Variants in TUSC3 observed in about 807,000 individuals in gnomAD.
TUSC3 encodes the protein dolichyl-diphosphooligosaccharide--protein glycosyltransferase subunit TUSC3.
Under a neutral mutation model 44.8 loss-of-function variants are expected in TUSC3, and 45 were observed. The observed-to-expected ratio is 1.00, with a 90% CI of 0.79 to 1.29. The LOEUF is 1.29. TUSC3 is among the 50% of genes most tolerant of loss of function. TUSC3 has a pLI of 0.00. For missense variants in TUSC3, 519 were observed against 437.9 expected, an observed-to-expected ratio of 1.19 and a Z score of -1.65; for synonymous variants, 212 against 152.9, an observed-to-expected ratio of 1.39 and a Z score of -2.85.
At chr8:15,519,313 A>G (rs1801263007) in intron 2 of TUSC3, among the ~76,000 whole-genome samples, 1 of 152,210 alleles carries the variant, frequency 6.6e-6, no homozygotes, top group South Asian at 2.1e-4. Flanking sequence ...TAATCCCAGA[A>G]GTATATTTCA....
At chr8:15,444,527 G>A (rs896663258) in intron 1 of TUSC3, among the ~76,000 whole-genome samples, 4 of 152,184 alleles carry the variant, frequency 2.6e-5, no homozygotes, top group Non-Finnish European at 2.9e-5. Context: ...TGGGGATGGT[G>A]GAAGATGACG....
At chr8:15,571,192 G>C (rs891318620) in intron 1 of TUSC3, among the ~76,000 whole-genome samples, 1 of 151,704 alleles carries the variant, frequency 6.6e-6, no homozygotes, top group Non-Finnish European at 1.5e-5. Context: ...GACTTCAGGG[G>C]ATCCACCTGC....
At chr8:15,421,711 A>G (rs1400570345) in intron 1 of TUSC3, among the ~76,000 whole-genome samples, 1 of 152,174 alleles carries the variant, frequency 6.6e-6, no homozygotes, top group Non-Finnish European at 1.5e-5. Context: ...GTGCCTATTC[A>G]TGCATGAATG....
At chr8:15,543,708 A>T (rs2129133764) in intron 1 of TUSC3, among the ~76,000 whole-genome samples, 1 of 151,476 alleles carries the variant, frequency 6.6e-6, no homozygotes, top group East Asian at 1.9e-4. Flanking sequence ...GTGTAATGAG[A>T]TCCTGAAATG....
At chr8:15,627,128 T>G (rs1381178812) in intron 2 of TUSC3, among the ~76,000 whole-genome samples, 1 of 152,168 alleles carries the variant, frequency 6.6e-6, no homozygotes, top group Non-Finnish European at 1.5e-5. Flanking sequence ...GGAGAGATGA[T>G]GAGACAAAGA....
chr8:15,550,541 A>G (rs550622987), intron 1 of TUSC3, among the ~76,000 whole-genome samples: 1 of 151,640 alleles, frequency 6.6e-6, no homozygotes, highest in African/African-American at 2.4e-5. Context: ...ATTATCAAGA[A>G]TTTATGCTGT....
At chr8:15,441,707 A>C (rs1435878298) in intron 1 of TUSC3, among the ~76,000 whole-genome samples, 1 of 152,120 alleles carries the variant, frequency 6.6e-6, no homozygotes, top group Non-Finnish European at 1.5e-5. Context: ...AGTGTAAAAA[A>C]TACTTGAATA....
the TUSC3 span, among the ~76,000 whole-genome samples, chr8:15,808,470 G>C: frequency 6.6e-6 from 1 of 152,100 alleles, no homozygotes; most frequent in African/African-American, 2.4e-5. Context: ...TAAGGGGTTA[G>C]AAAAGTTCTC....
intron 6 of TUSC3, among the ~76,000 whole-genome samples, chr8:15,693,580 CT>C (rs879497044): frequency 4.0e-5 from 6 of 149,338 alleles, no homozygotes; most frequent in African/African-American, 1.5e-4. Flanking sequence ...GCTGCCTTAG[CT>C]TTTTTTTCCT....
the TUSC3 span, among the ~76,000 whole-genome samples, chr8:15,777,819 C>A: frequency 1.3e-5 from 2 of 152,056 alleles, no homozygotes; most frequent in Non-Finnish European, 2.9e-5. Context: ...TATATACAGA[C>A]ACACACAAGA....
chr8:15,504,605 ATATATATATATATATATT>A (rs1191554270), intron 2 of TUSC3, among the ~76,000 whole-genome samples: 832 of 30,790 alleles, frequency 0.027, 4 homozygotes, highest in Non-Finnish European at 0.033. Flanking sequence ...ATATATATAT[ATATATATATATATATATT>A]TTTTTTTTTT....
intron 6 of TUSC3, among the ~76,000 whole-genome samples, chr8:15,729,975 T>G (rs1166727849): frequency 1.3e-5 from 2 of 151,714 alleles, no homozygotes; most frequent in African/African-American, 2.4e-5. Flanking sequence ...AGGTGTTATT[T>G]TTTTTCTCCA....
chr8:15,510,447 A>C (rs1801117698), intron 2 of TUSC3, among the ~76,000 whole-genome samples: 1 of 151,824 alleles, frequency 6.6e-6, no homozygotes, highest in African/African-American at 2.4e-5. Context: ...AGTGATAATG[A>C]GGAAATATTA....
the TUSC3 span, among the ~76,000 whole-genome samples, chr8:15,820,549 A>G: frequency 6.6e-6 from 1 of 151,588 alleles, no homozygotes; most frequent in South Asian, 2.1e-4. Flanking sequence ...CGATCTCTTG[A>G]CCTCATGATC....
At chr8:15,456,135 A>T (rs929618164) in intron 1 of TUSC3, among the ~76,000 whole-genome samples, 3 of 151,748 alleles carry the variant, frequency 2.0e-5, no homozygotes, top group Non-Finnish European at 4.4e-5. Context: ...AGCCATCCTC[A>T]CTCCTTTCCT....
At chr8:15,618,212 A>G (rs1469999770) in intron 1 of TUSC3, among the ~76,000 whole-genome samples, 1 of 152,188 alleles carries the variant, frequency 6.6e-6, no homozygotes, top group Non-Finnish European at 1.5e-5. Context: ...TAGACTCTAT[A>G]AACACTGCAC....
rs150040716 is a variant in TUSC3 at position 15,657,581 on chromosome 8, A to G, written c.427-1926A>G. On this transcript the variant is annotated intron_variant, in intron 3 of 10. Coordinates refer to ENST00000503731, the MANE Select transcript of TUSC3 (RefSeq NM_006765.4). ...CATTCTGATCATAACCACTTAAATA[A>G]GAAGTTGTAGACTTTCCTTGCACCT... Among the ~76,000 whole-genome samples, 837 of 152,294 alleles carry G rather than the reference A, an allele frequency of 5.5e-3. 7 individuals carry two copies. The highest frequency in any genetic ancestry group is 0.019 in the African/African-American group (797 of 41,566).
At chr8:15,797,118 A>T in the TUSC3 span, among the ~76,000 whole-genome samples, 19 of 152,344 alleles carry the variant, frequency 1.2e-4, no homozygotes, top group Non-Finnish European at 1.9e-4. Context: ...TCTTTATCAG[A>T]GGCACAAAGT....
intron 7 of TUSC3, 41 bp downstream of exon 7, chr8:15,730,770 A>G (rs900128620): frequency 4.4e-6 from 7 of 1,584,494 alleles, no homozygotes; most frequent in African/African-American, 1.3e-5. Context: ...AGGGCAAACT[A>G]AAGCTACATG....
Sources: gnomAD v4.1 joint callset for allele counts (sites outside exome capture counted in the v4.1 genomes callset) on GRCh38, gnomAD v4.1.1 for gene constraint, MANE v1.5 for transcripts, NCBI Gene and HGNC (gene_info 2026-07-23, HGNC 2026-07-21) for gene names.